MYO9B: variants seen among roughly 807,000 people sequenced by gnomAD.
MYO9B encodes unconventional myosin-IXb.
A neutral mutation model predicts 229.5 loss-of-function variants in MYO9B; 71 were observed. The observed-to-expected ratio is 0.31, with a 90% CI of 0.26 to 0.38. The LOEUF is 0.38. MYO9B is among the 10% of genes least tolerant of loss of function. MYO9B has a pLI of 1.00. For synonymous variants in MYO9B, 1,185 were observed against 1,235.8 expected (o/e 0.96, Z 0.86); for missense variants, 2,255 against 2,920.5 (o/e 0.77, Z 5.25).
intron 18 of MYO9B, among the ~76,000 whole-genome samples, chr19:17,187,564 T>C (rs2072932263): frequency 8.9e-6 from 1 of 112,236 alleles, no homozygotes; most frequent in East Asian, 3.4e-4. Flanking sequence ...TCTTTTCTTT[T>C]TTCTTTCTTT....
In MYO9B at chr19:17,200,381, G is replaced by A. The variant is rs201216405; in HGVS notation, c.4327G>A (p.Gly1443Arg). 88 of 1,602,118 alleles carry A rather than the reference G, an allele frequency of 5.5e-5. No homozygotes were observed. The Admixed American group carries it at 9.2e-4, about 17-fold the overall frequency. The change falls in exon 25 of 40, where the codon GGG becomes AGG. Residue 1443 changes from glycine (G) to arginine (R), a missense_variant. Physicochemically the swap from Gly to Arg is moderately radical, Grantham distance 125. Around this residue, in one of 7 missense-constraint regions of MYO9B, gnomAD observed 679 missense variants for 770.2 expected, o/e 0.88. Transcript: ENST00000682292. Reference sequence around the variant, plus strand: ...AGAGGAGCTGGAGAATGCAGTGTCCGGGCACGTGGTGCTGGAAGCCACCAC... The same window carrying A: ...AGAGGAGCTGGAGAATGCAGTGTCCAGGCACGTGGTGCTGGAAGCCACCAC... The part of the protein sequence containing the change: ...GAEELENAVS[G>R]HVVLEATTMK...
At chr19:17,118,775 C>T (rs1444250332) in intron 2 of MYO9B, among the ~76,000 whole-genome samples, 3 of 152,262 alleles carry the variant, frequency 2.0e-5, no homozygotes, top group Non-Finnish European at 4.4e-5. Context: ...GCGTGAGCCA[C>T]CATGCCGGGC....
chr19:17,210,442 C>T, intron 37 of MYO9B, 62 bp downstream of exon 37: 1 of 1,489,524 alleles, frequency 6.7e-7, no homozygotes, highest in Non-Finnish European at 9.0e-7. Context: ...GCTGGGGTTC[C>T]CTGGGGCCCT....
Position 17,183,792 on chromosome 19 carries a change from C to G in MYO9B, c.2334-37C>G, listed in dbSNP as rs1401146859. 2.6e-6 allele frequency: 4 copies of G among 1,529,022 alleles called. No homozygotes were observed. The South Asian group carries it at 5.0e-5, about 19-fold the overall frequency. 94.7% of individuals were successfully genotyped at this position (1,529,022 alleles called of 1,614,324 possible). A position where few individuals can be genotyped will look rare whatever the true frequency, so the allele number is the denominator to read the frequency against. On this transcript the variant is annotated intron_variant, in intron 15 of 39. Transcript: ENST00000682292. The stretch of plus-strand genomic sequence containing the variant: ...CTAACCCAAATCCCGACACTGTGTT[C>G]CTTTTGTTCACAAAACCATTTTTAA...
In MYO9B at chr19:17,102,104, C is replaced by A; in HGVS notation, c.387C>A (p.Ala129=). 1 of 1,613,250 alleles carries A rather than the reference C, an allele frequency of 6.2e-7. No homozygotes were observed. The highest frequency in any genetic ancestry group is 8.5e-7 in the Non-Finnish European group (1 of 1,179,894). ...KYVHMQLVAQ[A]TATRRLVERG... ...TGCATATGCAGCTGGTGGCGCAGGCCACAGCCACCCGGCGCCTAGTGGAGC... is the reference window on the plus strand; with the variant it reads ...TGCATATGCAGCTGGTGGCGCAGGCAACAGCCACCCGGCGCCTAGTGGAGC... Residue 129 remains alanine, a synonymous_variant, in exon 2 of 40, where the codon GCC becomes GCA. Coordinates refer to ENST00000682292, the MANE Select transcript of MYO9B (RefSeq NM_004145.4).
At chr19:17,112,998 A>G (rs1357442360) in intron 2 of MYO9B, among the ~76,000 whole-genome samples, 2 of 152,242 alleles carry the variant, frequency 1.3e-5, no homozygotes, top group African/African-American at 4.8e-5. Context: ...GGACGGGGCC[A>G]AGGCCTCAGA....
At chr19:17,167,813 A>T (rs2072676665) in intron 10 of MYO9B, 130 bp from the exon 11 acceptor site, 2 of 1,253,254 alleles carry the variant, frequency 1.6e-6, no homozygotes, top group East Asian at 2.7e-5. Flanking sequence ...GCATCAGTTT[A>T]AAAAGTTTCC....
intron 1 of MYO9B, among the ~76,000 whole-genome samples, chr19:17,083,111 G>A (rs2057549451): frequency 7.0e-6 from 1 of 142,734 alleles, no homozygotes. Context: ...GCTCACTGCA[G>A]GCTTGACAAC....
chr19:17,200,967 A>G (rs2073100592), intron 26 of MYO9B, 138 bp downstream of exon 26: 1 of 1,034,800 alleles, frequency 9.7e-7, no homozygotes, highest in African/African-American at 1.6e-5. Context: ...GGCCGGGGAC[A>G]GTGGTTCATG....
At chr19:17,140,660 G>T (rs1330642542) in intron 2 of MYO9B, among the ~76,000 whole-genome samples, 3 of 151,488 alleles carry the variant, frequency 2.0e-5, no homozygotes, top group Non-Finnish European at 4.4e-5. Context: ...GGCTAATTTT[G>T]TATTTTTAGT....
chr19:17,098,076 A>T (rs1260496943), intron 1 of MYO9B, among the ~76,000 whole-genome samples: 2 of 133,056 alleles, frequency 1.5e-5, no homozygotes, highest in Admixed American at 7.7e-5. Flanking sequence ...TTTCTTCACG[A>T]TGGAGTCTCA....
At position 17,127,869 on chromosome 19, in the gene MYO9B, A is replaced by C. The variant is rs542733649; in HGVS notation, c.841-17528A>C. On this transcript the variant is annotated intron_variant, in intron 2 of 39. Transcript: ENST00000682292. ...TCACCACCTGCCCCTTCGCAGAACA[A>C]GTTTACTGGCCCCTGATTCACACAG... Among the ~76,000 whole-genome samples, 50 of 152,342 alleles carry C rather than the reference A, an allele frequency of 3.3e-4. 1 individual carries two copies. The South Asian group carries it at 0.01, about 32-fold the overall frequency.
chr19:17,149,274 C>T (rs1321349882), intron 3 of MYO9B, among the ~76,000 whole-genome samples: 1 of 152,170 alleles, frequency 6.6e-6, no homozygotes, highest in African/African-American at 2.4e-5. Context: ...CCACTGCGCC[C>T]AGCTCCCTTT....
chr19:17,154,151 G>A, intron 5 of MYO9B, 85 bp downstream of exon 5: 2 of 1,406,494 alleles, frequency 1.4e-6, no homozygotes, highest in African/African-American at 2.8e-5. Context: ...GTCAGAGGCA[G>A]CCTGCCCTGG....
chr19:17,206,330 G>A lies in MYO9B; in HGVS notation c.5340G>A (p.Glu1780=), dbSNP rs1341941214. The A allele has an allele frequency of 5.0e-6, 8 of 1,609,290 alleles. No individual in the cohort carries two copies. The highest frequency in any genetic ancestry group is 1.3e-5 in the African/African-American group (1 of 74,834). ...VLKQWLRELP[E]PLMTFAQYGD... ...AGCAGTGGCTGCGGGAGCTGCCCGA[G>A]CCCCTCATGACCTTCGCACAGTACG... Residue 1780 remains glutamate (E), a synonymous_variant, in exon 33 of 40, where the codon GAG becomes GAA. Transcript: ENST00000682292.
intron 2 of MYO9B, among the ~76,000 whole-genome samples, chr19:17,129,378 G>A (rs1167238067): frequency 2.6e-5 from 4 of 152,246 alleles, no homozygotes; most frequent in African/African-American, 9.6e-5. Flanking sequence ...CTCCAGCTTG[G>A]GCGACAGAGC....
intron 3 of MYO9B, among the ~76,000 whole-genome samples, chr19:17,147,531 A>G (rs1217866941): frequency 1.4e-5 from 2 of 139,602 alleles, no homozygotes; most frequent in East Asian, 2.1e-4. Context: ...GTGACGAGCG[A>G]AAGTCCATCT....
At chr19:17,160,396 A>G (rs2072585181) in intron 8 of MYO9B, among the ~76,000 whole-genome samples, 1 of 152,152 alleles carries the variant, frequency 6.6e-6, no homozygotes. Context: ...CGAGGGGGAC[A>G]CATTCTAGAT....
rs758331640 is a variant in MYO9B, at chr19:17,202,110, G to A, written c.4663-20G>A. 37 of 1,612,858 alleles carry A rather than the reference G, an allele frequency of 2.3e-5. No individual in the cohort carries two copies. Among genetic ancestry groups the A allele is most frequent in the Middle Eastern group, 1.6e-4 (1 of 6,074 alleles). ...CGCCCCTTGCCCAGGCCTGCAGGGTGACGCCTAGCATTCCTACAGAACGGG... is the reference window on the plus strand; with the variant it reads ...CGCCCCTTGCCCAGGCCTGCAGGGTAACGCCTAGCATTCCTACAGAACGGG... On this transcript the variant is annotated intron_variant, in intron 27 of 39. Transcript: ENST00000682292.
Sources: gnomAD v4.1 joint callset for allele counts (sites outside exome capture counted in the v4.1 genomes callset) on GRCh38, gnomAD v4.1.1 for gene constraint, gnomAD v4.1.1 regional missense constraint, MANE v1.5 for transcripts, NCBI Gene and HGNC (gene_info 2026-07-23, HGNC 2026-07-21) for gene names.